NOTO: variants seen among roughly 807,000 people sequenced by gnomAD.
The protein encoded by NOTO is notochord homeobox, also known as homeobox protein notochord.
NOTO carries 19 observed loss-of-function variants against 20.5 expected under a neutral mutation model. That is an observed-to-expected ratio of 0.93 (90% CI 0.65 to 1.36). The LOEUF (loss-of-function observed/expected upper bound fraction) is 1.36. NOTO is among the 40% of genes most tolerant of loss of function. The pLI is 0.00. For synonymous variants in NOTO, 150 were observed against 150.2 expected (o/e 1.00, Z 0.01); for missense variants, 369 against 336.2 (o/e 1.10, Z -0.76).
At chr2:73,208,641 T>C (rs768232535) in intron 2 of NOTO, 27 bp downstream of exon 2, 2 of 1,455,492 alleles carry the variant, frequency 1.4e-6, no homozygotes, top group South Asian at 1.2e-5. Flanking sequence ...CTATTGGGCC[T>C]GGGCTGCACC....
rs1385200190 is a variant in NOTO, at chr2:73,211,497, C to T, written c.*568C>T. 4 of 152,274 alleles carry T rather than the reference C, an allele frequency of 2.6e-5. No homozygotes were observed. The highest frequency in any genetic ancestry group is 7.2e-5 in the African/African-American group (3 of 41,568). The allele number at this position is 152,274 out of a possible 1,614,324, so 9.4% of individuals were successfully genotyped here. A position where few individuals can be genotyped will look rare whatever the true frequency, so the allele number is the denominator to read the frequency against. On this transcript the variant is annotated 3_prime_UTR_variant, in exon 3 of 3. Coordinates refer to ENST00000398468, the MANE Select transcript of NOTO (RefSeq NM_001134462.2). ...GGGCTCATTCCACATGGCAGCCCCT[C>T]CTTTCTTTTTTTTTTGAGACAGACT...
At chr2:73,203,083 G>A (rs1686029697) in intron 1 of NOTO, 35 bp downstream of exon 1, 1 of 1,369,248 alleles carries the variant, frequency 7.3e-7, no homozygotes. Context: ...GCGGGGGACT[G>A]GGCGGGGGCT....
In NOTO at chr2:73,202,809, C is replaced by T; in HGVS notation, c.143C>T (p.Pro48Leu). ...CGCGCTCCCGGACGCTTCGAGTCCC[C>T]TTTCTCGGTCGAGGCCATCCTGGCG... The part of the protein sequence containing the change: ...TPRAPGRFES[P>L]FSVEAILARP... The change falls in exon 1 of 3, where the codon CCT (proline) becomes CTT (leucine). Residue 48 changes from proline to leucine, a missense_variant. Pro to Leu is a moderately conservative substitution (Grantham distance 98). Coordinates refer to ENST00000398468, the MANE Select transcript of NOTO (RefSeq NM_001134462.2). 6.6e-7 allele frequency: 1 copy of T among 1,526,448 alleles called. No individual in the cohort carries two copies. The highest frequency in any genetic ancestry group is 8.8e-7 in the Non-Finnish European group (1 of 1,142,560). 94.6% of individuals were successfully genotyped at this position (1,526,448 alleles called of 1,614,324 possible). A position where few individuals can be genotyped will look rare whatever the true frequency, so the allele number is the denominator to read the frequency against.
At position 73,212,144 on chromosome 2, in the gene NOTO, A is replaced by C. The variant is rs72809935; in HGVS notation, c.*1215A>C. Reference sequence around the variant, plus strand: ...TCTGAACTGTTACCATTCTCAGAAGAAGCTCAGGCCCAGCAGCAAAGACAA... The same window carrying C: ...TCTGAACTGTTACCATTCTCAGAAGCAGCTCAGGCCCAGCAGCAAAGACAA... On this transcript the variant is annotated 3_prime_UTR_variant, in exon 3 of 3. Coordinates refer to ENST00000398468, the MANE Select transcript of NOTO (RefSeq NM_001134462.2). 0.029 allele frequency: 4,405 copies of C among 152,356 alleles called. 73 individuals are homozygous for C. Among genetic ancestry groups the C allele is most frequent in the Non-Finnish European group, 0.043 (2,938 of 68,048 alleles). 9.4% of individuals were successfully genotyped at this position (152,356 alleles called of 1,614,324 possible).
rs964875664 is a variant in NOTO, at chr2:73,202,592, C to T, written c.-75C>T. ...GGAGGTTCCCAGACAACCGGTCTTG[C>T]TCGCTGCCTTTTGCAGAATCTTCTC... On this transcript the variant is annotated 5_prime_UTR_variant, in exon 1 of 3. Transcript: ENST00000398468. 13 of 1,349,582 alleles carry T rather than the reference C, an allele frequency of 9.6e-6. No individual in the cohort carries two copies. The highest frequency in any genetic ancestry group is 3.1e-5 in the African/African-American group (2 of 64,484). 83.6% of individuals were successfully genotyped at this position (1,349,582 alleles called of 1,614,324 possible).
At chr2:73,208,349 C>CTAACCTCCCCTGCTGCTGGA (rs1197446700) in intron 1 of NOTO, 51 bp from the exon 2 acceptor site, 7 of 1,342,748 alleles carry the variant, frequency 5.2e-6, no homozygotes, top group Admixed American at 2.0e-5. Flanking sequence ...GGGCTTCTGG[C>CTAACCTCCCCTGCTGCTGGA]TAACCTCCCC....
At chr2:73,208,133 T>C (rs1207603194) in intron 1 of NOTO, among the ~76,000 whole-genome samples, 2 of 152,248 alleles carry the variant, frequency 1.3e-5, no homozygotes, top group Admixed American at 1.3e-4. Flanking sequence ...GCAACTCCTC[T>C]TAGGGGCCAG....
At chr2:73,208,341 G>C (rs1686117191) in intron 1 of NOTO, 59 bp from the exon 2 acceptor site, 13 of 1,184,106 alleles carry the variant, frequency 1.1e-5, no homozygotes, top group Non-Finnish European at 1.6e-5. Flanking sequence ...AGTGCAGGGG[G>C]CTTCTGGCTA....
chr2:73,208,388 G>C lies in NOTO; in HGVS notation c.383-12G>C. On this transcript the variant is annotated splice_polypyrimidine_tract_variant and intron_variant, in intron 1 of 2. Transcript: ENST00000398468. ...TGCTGGATAACCTCCCCTGCTGCTG[G>C]TTGCTCTTTAGGGTTGGAGCTGGCT... 6.5e-7 allele frequency: 1 copy of C among 1,545,444 alleles called. No individual in the cohort carries two copies. The highest frequency in any genetic ancestry group is 8.8e-7 in the Non-Finnish European group (1 of 1,141,774).
Position 73,208,432 on chromosome 2 carries a change from G to C in NOTO, c.415G>C (p.Ala139Pro). ...GCTGGCTCACTGCTCAGGACTCTGG[G>C]CCTTCCCAGACTGGGCCCCAACGGA... ...LELAHCSGLW[A>P]FPDWAPTEDL... The change falls in exon 2 of 3, where the codon GCC becomes CCC. Residue 139 changes from alanine (A) to proline (P), a missense_variant. Transcript: ENST00000398468. 1 of 1,551,652 alleles carries C rather than the reference G, an allele frequency of 6.4e-7. No homozygotes were observed.
Position 73,211,006 on chromosome 2 carries a change from C to T in NOTO, c.*77C>T. 1 of 1,246,590 alleles carries T rather than the reference C, an allele frequency of 8.0e-7. No homozygotes were observed. The highest frequency in any genetic ancestry group is 1.1e-6 in the Non-Finnish European group (1 of 908,184). 77.2% of individuals were successfully genotyped at this position (1,246,590 alleles called of 1,614,324 possible). A position where few individuals can be genotyped will look rare whatever the true frequency, so the allele number is the denominator to read the frequency against. On this transcript the variant is annotated 3_prime_UTR_variant, in exon 3 of 3. Coordinates refer to ENST00000398468, the MANE Select transcript of NOTO (RefSeq NM_001134462.2). ...GTACCCACTGGAGCTCCCTGCCTCA[C>T]ACCTCAACGAAAAGCCTCCTCAACC...
chr2:73,209,184 A>AT (rs1686131956), intron 2 of NOTO, among the ~76,000 whole-genome samples: 1 of 151,938 alleles, frequency 6.6e-6, no homozygotes. Flanking sequence ...CAAAAAAAAA[A>AT]AAAAAAAAGA....
At chr2:73,210,115 A>T (rs1431631773) in intron 2 of NOTO, among the ~76,000 whole-genome samples, 2 of 152,150 alleles carry the variant, frequency 1.3e-5, no homozygotes, top group Non-Finnish European at 2.9e-5. Context: ...TGTAAATAGG[A>T]TTATGTGGGC....
chr2:73,205,859 G>T (rs895679436), intron 1 of NOTO, among the ~76,000 whole-genome samples: 1 of 151,854 alleles, frequency 6.6e-6, no homozygotes, highest in Non-Finnish European at 1.5e-5. Context: ...TCAGCCTCCC[G>T]AGTAGCAGGG....
At chr2:73,206,550 G>C (rs1359716617) in intron 1 of NOTO, among the ~76,000 whole-genome samples, 1 of 151,922 alleles carries the variant, frequency 6.6e-6, no homozygotes, top group Non-Finnish European at 1.5e-5. Context: ...TGTTGCCCAG[G>C]GTGGTCTCAA....
In NOTO at chr2:73,202,834, G is replaced by A. The variant is rs749500588; in HGVS notation, c.168G>A (p.Ala56=). The A allele has an allele frequency of 1.5e-5, 23 of 1,525,296 alleles. No individual in the cohort carries two copies. In the East Asian group the frequency reaches 5.1e-4, roughly 34 times the overall value. The allele number at this position is 1,525,296 out of a possible 1,614,324, so 94.5% of individuals were successfully genotyped here. Residue 56 remains alanine (A), a synonymous_variant, in exon 1 of 3, where the codon GCG becomes GCA. Coordinates refer to ENST00000398468, the MANE Select transcript of NOTO (RefSeq NM_001134462.2). The part of the protein sequence containing the change: ...ESPFSVEAIL[A]RPDPCAPAAS... ...CTTTCTCGGTCGAGGCCATCCTGGC[G>A]AGGCCCGACCCCTGCGCGCCGGCGG...
chr2:73,206,363 G>A (rs2103692209), intron 1 of NOTO, among the ~76,000 whole-genome samples: 1 of 152,182 alleles, frequency 6.6e-6, no homozygotes, highest in South Asian at 2.1e-4. Flanking sequence ...AGTTGTTGTT[G>A]TTGAGACGGG....
In NOTO at chr2:73,208,556, A is replaced by C. The variant is rs1038740446; in HGVS notation, c.539A>C (p.Asn180Thr). The C allele has an allele frequency of 1.7e-5, 26 of 1,551,510 alleles. No individual in the cohort carries two copies. Among genetic ancestry groups the C allele is most frequent in the Non-Finnish European group, 2.3e-5 (26 of 1,146,974 alleles). ...ELEKVFAKQH[N>T]LVGKKRAQLA... Reference sequence around the variant, plus strand: ...GAGAAAGTGTTTGCAAAACAGCACAATCTGGTGGGGAAGAAGAGAGCCCAG... The same window carrying C: ...GAGAAAGTGTTTGCAAAACAGCACACTCTGGTGGGGAAGAAGAGAGCCCAG... Residue 180 changes from asparagine (N) to threonine (T), a missense_variant, in exon 2 of 3, where the codon AAT becomes ACT. Coordinates refer to ENST00000398468, the MANE Select transcript of NOTO (RefSeq NM_001134462.2).
rs11369165 is a variant in NOTO at position 73,211,314 on chromosome 2, G to GAAAA, written c.*392_*395dup. The GAAAA allele has an allele frequency of 6.4e-6, 1 of 155,792 alleles. No individual in the cohort carries two copies. The allele number at this position is 155,792 out of a possible 1,614,324, so 9.7% of individuals were successfully genotyped here. A position where few individuals can be genotyped will look rare whatever the true frequency, so the allele number is the denominator to read the frequency against. On this transcript the variant is annotated 3_prime_UTR_variant, in exon 3 of 3. Coordinates refer to ENST00000398468, the MANE Select transcript of NOTO (RefSeq NM_001134462.2). Reference sequence around the variant, plus strand: ...GCCCCTGAGTAGAGAAGACCAACTGGAAAAAAAAAAGTTTTTTTCTTCTGC... The same window carrying GAAAA: ...GCCCCTGAGTAGAGAAGACCAACTGGAAAAAAAAAAAAAAGTTTTTTTCTTCTGC...
Sources: allele counts gnomAD v4.1 joint callset (sites outside exome capture counted in the v4.1 genomes callset), GRCh38; gene constraint gnomAD v4.1.1; transcripts MANE v1.5; gene names NCBI Gene and HGNC (gene_info 2026-07-23, HGNC 2026-07-21).